Variants in LPIN1 observed in about 807,000 individuals in gnomAD.
The protein encoded by LPIN1 is lipin 1, also known as phosphatidate phosphatase LPIN1.
A neutral mutation model predicts 107.5 loss-of-function variants in LPIN1; 71 were observed. The ratio of observed to expected loss-of-function variants is 0.66; its 90% CI spans 0.55 to 0.80. The LOEUF is 0.80. LPIN1 is among the 30% of genes least tolerant of loss of function. LPIN1 has a pLI of 0.00. For missense variants in LPIN1, 1,043 were observed against 1,160.6 expected (o/e 0.90, Z 1.47); for synonymous variants, 445 against 452.6 (o/e 0.98, Z 0.21).
chr2:11,739,805 G>A (rs1486059718), intron 1 of LPIN1, among the ~76,000 whole-genome samples: 1 of 152,184 alleles, frequency 6.6e-6, no homozygotes, highest in Non-Finnish European at 1.5e-5. Context: ...ATCCAGAAAT[G>A]ACATTCATGA....
At chr2:11,820,065 G>A (rs1190746824) in intron 19 of LPIN1, among the ~76,000 whole-genome samples, 1 of 152,136 alleles carries the variant, frequency 6.6e-6, no homozygotes, top group Non-Finnish European at 1.5e-5. Flanking sequence ...AATGTAGTTG[G>A]GTACTAACTG....
At chr2:11,691,640 T>C (rs991137031) in intron 1 of LPIN1, among the ~76,000 whole-genome samples, 3 of 152,212 alleles carry the variant, frequency 2.0e-5, no homozygotes, top group Admixed American at 2.0e-4. Context: ...TCCATTGATA[T>C]ACTGTGGGCT....
At chr2:11,768,674 C>G (rs112986520) in intron 3 of LPIN1, among the ~76,000 whole-genome samples, 1 of 152,042 alleles carries the variant, frequency 6.6e-6, no homozygotes, top group Non-Finnish European at 1.5e-5. Flanking sequence ...TGGTGGCTCA[C>G]GCCTGTAATC....
chr2:11,774,142 G>A lies in LPIN1; in HGVS notation c.722+397G>A, dbSNP rs534058788. 2.0e-5 allele frequency among the ~76,000 whole-genome samples: 3 copies of A among 152,184 alleles called. No homozygotes were observed. Among genetic ancestry groups the A allele is most frequent in the Non-Finnish European group, 4.4e-5 (3 of 68,036 alleles). On this transcript the variant is annotated intron_variant, in intron 5 of 20. Coordinates refer to ENST00000674199, the MANE Select transcript of LPIN1 (RefSeq NM_001349206.2). This position sits in a 1 kb window ranked among gnomAD's most constrained non-coding sequence, Gnocchi z 4.4. ...TCAGGGCTATTAGAATGGTGCCTCC[G>A]CCACACTTAATCCATTCTGCCGAAT...
At chr2:11,792,479 C>A in intron 13 of LPIN1, 1 of 190,252 alleles carries the variant, frequency 5.3e-6, no homozygotes, top group Non-Finnish European at 1.1e-5. Context: ...GCCTCCCGGG[C>A]TCAAGCAATC....
chr2:11,731,258 T>C (rs1244146561), intron 1 of LPIN1, among the ~76,000 whole-genome samples: 2 of 151,732 alleles, frequency 1.3e-5, no homozygotes, highest in African/African-American at 4.8e-5. Flanking sequence ...CCCCGGTGTG[T>C]GTTGTTCCCC....
At chr2:11,736,977 A>G (rs917771258) in intron 1 of LPIN1, among the ~76,000 whole-genome samples, 3 of 152,250 alleles carry the variant, frequency 2.0e-5, no homozygotes, top group African/African-American at 7.2e-5. Context: ...GGAGTGCTAG[A>G]CACAGATGTG....
intron 18 of LPIN1, chr2:11,816,387 A>T (rs888288035): frequency 1.3e-5 from 2 of 152,254 alleles, no homozygotes; most frequent in African/African-American, 4.8e-5. Context: ...ATTTGCAACA[A>T]GCCATTCATC....
chr2:11,816,368 A>G (rs1680570733), intron 18 of LPIN1: 2 of 152,238 alleles, frequency 1.3e-5, no homozygotes, highest in African/African-American at 4.8e-5. Flanking sequence ...TCCCTAAGCT[A>G]TGCTGACAAT....
At chr2:11,687,416 T>A (rs6432230) in intron 1 of LPIN1, among the ~76,000 whole-genome samples, 81,597 of 152,116 alleles carry the variant, frequency 0.54, 22,816 homozygotes, top group African/African-American at 0.7. Flanking sequence ...CTCTTGTAAG[T>A]TGCTCTGCGG....
chr2:11,783,755 G>T (rs1181065004), intron 8 of LPIN1, 74 bp from the exon 9 acceptor site: 2 of 1,254,736 alleles, frequency 1.6e-6, no homozygotes, highest in Non-Finnish European at 2.3e-6. Context: ...TTTAAATGCT[G>T]TTTCTATAGA....
intron 1 of LPIN1, among the ~76,000 whole-genome samples, chr2:11,712,626 AG>A (rs112325119): frequency 0.022 from 3,353 of 152,298 alleles, 131 homozygotes; most frequent in African/African-American, 0.076. Flanking sequence ...GTGCTGGAAA[AG>A]CTAAGTGGGT....
intron 15 of LPIN1, 51 bp from the exon 16 acceptor site, chr2:11,804,372 A>T (rs751708369): frequency 6.2e-7 from 1 of 1,608,546 alleles, no homozygotes; most frequent in African/African-American, 1.3e-5. Flanking sequence ...ATGCCCATCA[A>T]TCAGGGCCTT....
rs190303259 is a variant in LPIN1 at position 11,692,092 on chromosome 2, G to A, written c.81+14364G>A. 4.5e-4 allele frequency among the ~76,000 whole-genome samples: 69 copies of A among 152,290 alleles called. 2 individuals carry two copies. Among genetic ancestry groups the A allele is most frequent in the Admixed American group, 4.3e-3 (66 of 15,290 alleles). ...ACCCTAACCCTAACCCTTGTTTTCC[G>A]ATCTGAAGAATGACTCACTTGGGGG... On this transcript the variant is annotated intron_variant, in intron 1 of 21. Coordinates refer to the LPIN1 transcript ENST00000449576.
chr2:11,705,107 T>C (rs981693296), intron 1 of LPIN1, among the ~76,000 whole-genome samples: 55 of 152,150 alleles, frequency 3.6e-4, no homozygotes, highest in African/African-American at 1.2e-3. Flanking sequence ...CTGGGAAAAT[T>C]TGATGAATAA....
intron 1 of LPIN1, among the ~76,000 whole-genome samples, chr2:11,690,100 T>G (rs1662196868): frequency 6.6e-6 from 1 of 152,178 alleles, no homozygotes; most frequent in East Asian, 1.9e-4. Context: ...AAAATTTCAG[T>G]TATTGTTTTC....
At chr2:11,682,083 T>G (rs1016102702) in intron 1 of LPIN1, 8 of 152,390 alleles carry the variant, frequency 5.2e-5, no homozygotes, top group African/African-American at 1.2e-4. Flanking sequence ...GGGTGTTCGT[T>G]GTGGGTGAGA....
chr2:11,793,983 C>T (rs1176262171), intron 13 of LPIN1, among the ~76,000 whole-genome samples: 5 of 152,176 alleles, frequency 3.3e-5, no homozygotes, highest in Non-Finnish European at 7.3e-5. Context: ...ACAGGGACAA[C>T]AGTCAAGTTG....
chr2:11,781,670 A>G (rs1673588439), intron 7 of LPIN1, among the ~76,000 whole-genome samples: 1 of 152,240 alleles, frequency 6.6e-6, no homozygotes, highest in Non-Finnish European at 1.5e-5. Context: ...TTGTAAATGT[A>G]TAGCTCAATA....
Sources: gnomAD v4.1 joint callset for allele counts (sites outside exome capture counted in the v4.1 genomes callset) on GRCh38, gnomAD v4.1.1 for gene constraint, Gnocchi (gnomAD v3.1) non-coding constraint, MANE v1.5 for transcripts, NCBI Gene and HGNC (gene_info 2026-07-23, HGNC 2026-07-21) for gene names.